CD8B2: variants seen among roughly 807,000 people sequenced by gnomAD.
CD8B2 encodes CD8B family member 2.
In CD8B2, 11 loss-of-function variants were observed where a neutral mutation model predicts 23.7. The ratio of observed to expected loss-of-function variants is 0.46; its 90% CI spans 0.29 to 0.77. The LOEUF (loss-of-function observed/expected upper bound fraction) is 0.77. Among genes scored for constraint, CD8B2 ranks in the 30% least tolerant of loss-of-function variants. The pLI is 0.09. For missense variants in CD8B2, 197 were observed against 270.5 expected, an observed-to-expected ratio of 0.73 and a Z score of 1.91; for synonymous variants, 90 against 109.3, an observed-to-expected ratio of 0.82 and a Z score of 1.10.
intron 5 of CD8B2, among the ~76,000 whole-genome samples, chr2:106,541,715 C>T (rs1266721769): frequency 6.6e-6 from 1 of 152,212 alleles, no homozygotes; most frequent in Non-Finnish European, 1.5e-5. Context: ...GAATGTCCAC[C>T]ACACATGCAT....
At chr2:106,543,123 A>G (rs958761395) in intron 5 of CD8B2, 1 of 152,246 alleles carries the variant, frequency 6.6e-6, no homozygotes, top group Admixed American at 6.5e-5. Flanking sequence ...AGTAACTTCA[A>G]TGCGGAAGGA....
intron 5 of CD8B2, among the ~76,000 whole-genome samples, chr2:106,534,262 A>C (rs1371050726): frequency 6.6e-6 from 1 of 152,188 alleles, no homozygotes; most frequent in Non-Finnish European, 1.5e-5. Flanking sequence ...ATGCAGAGAA[A>C]AGCAAGGAAG....
intron 5 of CD8B2, chr2:106,543,198 A>C (rs1235868194): frequency 6.6e-6 from 1 of 152,140 alleles, no homozygotes; most frequent in Non-Finnish European, 1.5e-5. Context: ...GCAGCTACAA[A>C]GTCCTGCAAG....
intron 5 of CD8B2, among the ~76,000 whole-genome samples, chr2:106,541,851 C>T (rs1573355407): frequency 6.6e-6 from 1 of 152,212 alleles, no homozygotes; most frequent in African/African-American, 2.4e-5. Context: ...ATCCTTCCAA[C>T]TCCACCACGA....
chr2:106,520,726 C>T (rs150741619), intron 5 of CD8B2, among the ~76,000 whole-genome samples: 23 of 152,036 alleles, frequency 1.5e-4, no homozygotes, highest in Non-Finnish European at 2.5e-4. Context: ...AAAAATTAGC[C>T]GGATGTGGTG....
chr2:106,518,524 G>C (rs1258178072), intron 5 of CD8B2, among the ~76,000 whole-genome samples: 1 of 152,206 alleles, frequency 6.6e-6, no homozygotes, highest in Non-Finnish European at 1.5e-5. Context: ...TGATTTGTTA[G>C]AGGAATACCG....
intron 3 of CD8B2, among the ~76,000 whole-genome samples, chr2:106,499,064 G>A (rs1679350716): frequency 1.3e-5 from 2 of 152,052 alleles, no homozygotes; most frequent in Admixed American, 6.6e-5. Flanking sequence ...CACGTTATTT[G>A]CAGCAGCAAC....
chr2:106,520,604 G>A (rs4558580), intron 5 of CD8B2, among the ~76,000 whole-genome samples: 147,902 of 152,304 alleles, frequency 0.97, 71,983 homozygotes, highest in East Asian at 1. Flanking sequence ...TAAGAGTAGA[G>A]GATTAGGCCG....
At chr2:106,534,980 C>T (rs1680064620) in intron 5 of CD8B2, among the ~76,000 whole-genome samples, 1 of 152,020 alleles carries the variant, frequency 6.6e-6, no homozygotes, top group South Asian at 2.1e-4. Flanking sequence ...TGCCACCTTG[C>T]CCGGCTAATT....
At chr2:106,495,229 G>A (rs1192816966) in intron 2 of CD8B2, among the ~76,000 whole-genome samples, 1 of 152,126 alleles carries the variant, frequency 6.6e-6, no homozygotes, top group African/African-American at 2.4e-5. Flanking sequence ...GTCATACAGC[G>A]GTTAATCAGG....
At chr2:106,494,010 C>A (rs1679247131) in intron 2 of CD8B2, among the ~76,000 whole-genome samples, 1 of 152,160 alleles carries the variant, frequency 6.6e-6, no homozygotes, top group Non-Finnish European at 1.5e-5. Context: ...TTGAAGCAGA[C>A]AAACAGATCG....
At chr2:106,490,752 G>T in intron 1 of CD8B2, 122 bp from the exon 2 acceptor site, 1 of 1,503,446 alleles carries the variant, frequency 6.7e-7, no homozygotes, top group Non-Finnish European at 8.9e-7. Flanking sequence ...ACACTCCCTG[G>T]ACCCAGTAAC....
downstream of CD8B2, among the ~76,000 whole-genome samples, chr2:106,516,013 A>T (rs865786168): frequency 6.6e-6 from 1 of 151,218 alleles, no homozygotes; most frequent in Non-Finnish European, 1.5e-5. Context: ...TATTTTTGGT[A>T]GAGTCGGGGT....
intron 2 of CD8B2, among the ~76,000 whole-genome samples, chr2:106,494,914 C>T (rs1679268663): frequency 6.6e-6 from 1 of 152,142 alleles, no homozygotes; most frequent in Non-Finnish European, 1.5e-5. Flanking sequence ...AGAAGGAAAA[C>T]CAATCCCCAA....
At chr2:106,501,555 G>A (rs1468853823) in intron 3 of CD8B2, among the ~76,000 whole-genome samples, 1 of 152,086 alleles carries the variant, frequency 6.6e-6, no homozygotes, top group African/African-American at 2.4e-5. Context: ...GACGGCGGAC[G>A]CCTGTAATCC....
At chr2:106,518,735 T>A (rs976801350) in intron 5 of CD8B2, among the ~76,000 whole-genome samples, 4 of 152,160 alleles carry the variant, frequency 2.6e-5, no homozygotes, top group African/African-American at 9.6e-5. Context: ...TCTCCTTTTC[T>A]CTCTACTTAT....
intron 5 of CD8B2, among the ~76,000 whole-genome samples, chr2:106,518,687 A>C (rs1377939394): frequency 6.6e-6 from 1 of 151,924 alleles, no homozygotes; most frequent in Non-Finnish European, 1.5e-5. Flanking sequence ...CCATCCATTC[A>C]TTCCTTCATT....
intron 5 of CD8B2, among the ~76,000 whole-genome samples, chr2:106,541,811 G>C (rs1680178149): frequency 6.6e-6 from 1 of 152,190 alleles, no homozygotes; most frequent in African/African-American, 2.4e-5. Flanking sequence ...CACTGGAATA[G>C]AGAACCTACC....
At chr2:106,536,066 C>A (rs1417207273) in intron 5 of CD8B2, among the ~76,000 whole-genome samples, 2 of 140,708 alleles carry the variant, frequency 1.4e-5, no homozygotes, top group Non-Finnish European at 3.0e-5. Flanking sequence ...CAGAGTTTTG[C>A]TCTTGCTGCC....
Sources: gnomAD v4.1 joint callset for allele counts (sites outside exome capture counted in the v4.1 genomes callset) on GRCh38, gnomAD v4.1.1 for gene constraint, MANE v1.5 for transcripts, NCBI Gene and HGNC (gene_info 2026-07-23, HGNC 2026-07-21) for gene names.